Variants in CDK19 observed in about 807,000 individuals in gnomAD.
CDK19 encodes the protein cyclin dependent kinase 19.
CDK19 carries 20 observed loss-of-function variants against 68.3 expected under a neutral mutation model. The ratio of observed to expected loss-of-function variants is 0.29; its 90% confidence interval spans 0.21 to 0.43. CDK19 has a LOEUF of 0.43. CDK19 is among the 20% of genes least tolerant of loss of function. The probability of loss-of-function intolerance (pLI) is 1.00; values close to 1 mark genes in which losing one functional copy is unlikely to be tolerated. For synonymous variants in CDK19, 221 were observed against 222.8 expected, an observed-to-expected ratio of 0.99 and a Z score of 0.07; for missense variants, 339 against 623.5, an observed-to-expected ratio of 0.54 and a Z score of 4.86.
intron 4 of CDK19, among the ~76,000 whole-genome samples, chr6:110,643,712 A>G (rs1780352721): frequency 6.6e-6 from 1 of 152,166 alleles, no homozygotes; most frequent in Admixed American, 6.5e-5. Flanking sequence ...ATGTGACAAG[A>G]GCAGTGAATG....
At chr6:110,629,581 G>A (rs552426858) in intron 6 of CDK19, among the ~76,000 whole-genome samples, 3 of 152,180 alleles carry the variant, frequency 2.0e-5, no homozygotes, top group East Asian at 3.9e-4. Context: ...TCTTAACTCC[G>A]GACCTCAAGT....
rs761748422 is a variant in CDK19 at position 110,643,220 on chromosome 6, A to G, written c.457-4514T>C. The stretch of plus-strand genomic sequence containing the variant: ...TTAGGCCTGACGAGTAAAACAATAC[A>G]TTTTCCAGCTAAAAGACACAGGTAT... On this transcript the variant is annotated intron_variant, in intron 4 of 12. Transcript: ENST00000368911. 7 of 1,285,720 alleles carry G rather than the reference A, an allele frequency of 5.4e-6. No individual in the cohort carries two copies. In the South Asian group the frequency reaches 7.4e-5, roughly 14 times the overall value. The allele number at this position is 1,285,720 out of a possible 1,614,324, so 79.6% of individuals were successfully genotyped here.
At chr6:110,656,163 T>G (rs1243622032) in intron 4 of CDK19, among the ~76,000 whole-genome samples, 3 of 152,248 alleles carry the variant, frequency 2.0e-5, no homozygotes, top group Admixed American at 2.0e-4. Flanking sequence ...TAAACCTTGT[T>G]GCTTTATGAT....
chr6:110,667,639 C>A, intron 3 of CDK19, 65 bp from the exon 4 acceptor site: 1 of 816,422 alleles, frequency 1.2e-6, no homozygotes, highest in South Asian at 2.4e-5. Context: ...AAAACACAAT[C>A]AATGCTGTAA....
rs144900049 is a variant in CDK19, at chr6:110,626,004, T to C, written c.860+772A>G. Among the ~76,000 whole-genome samples, 133 of 152,318 alleles carry C rather than the reference T, an allele frequency of 8.7e-4. 1 individual carries two copies. The highest frequency in any genetic ancestry group is 4.7e-4 in the Non-Finnish European group (32 of 68,020). On this transcript the variant is annotated intron_variant, in intron 8 of 12. Coordinates refer to ENST00000368911, the MANE Select transcript of CDK19 (RefSeq NM_015076.5). ...TAATCTCATTTCTGCTCAAAGTAAA[T>C]GCCTTCATCAGTTTGTTTTACTCAT...
chr6:110,811,545 G>A (rs1462785904), intron 1 of CDK19, among the ~76,000 whole-genome samples: 2 of 152,094 alleles, frequency 1.3e-5, no homozygotes, highest in Non-Finnish European at 2.9e-5. Context: ...ACGGCGCCCG[G>A]CCAACAAAAG....
intron 6 of CDK19, among the ~76,000 whole-genome samples, chr6:110,629,779 C>A (rs1779327643): frequency 6.6e-6 from 1 of 152,176 alleles, no homozygotes; most frequent in Non-Finnish European, 1.5e-5. Flanking sequence ...GGGGATTATT[C>A]TTTCTTTCTG....
chr6:110,634,384 A>G (rs935349259), intron 5 of CDK19, among the ~76,000 whole-genome samples: 2 of 151,964 alleles, frequency 1.3e-5, no homozygotes, highest in Non-Finnish European at 2.9e-5. Flanking sequence ...TGCCTGGCTA[A>G]TTTTTGTATT....
intron 2 of CDK19, among the ~76,000 whole-genome samples, chr6:110,679,145 C>T (rs1326792579): frequency 2.0e-5 from 3 of 151,780 alleles, no homozygotes; most frequent in African/African-American, 4.8e-5. Context: ...CCTATCTCTA[C>T]AAAAAAATAA....
chr6:110,763,229 G>A lies in CDK19; in HGVS notation c.129-17028C>T, dbSNP rs149424750. Among the ~76,000 whole-genome samples the A allele has an allele frequency of 5.4e-3, 817 of 152,244 alleles. 4 individuals are homozygous for A. The highest frequency in any genetic ancestry group is 0.019 in the African/African-American group (775 of 41,544). On this transcript the variant is annotated intron_variant, in intron 1 of 12. Transcript: ENST00000368911. The stretch of plus-strand genomic sequence containing the variant: ...TTTCTCATAAAAGTTAAGGCAAAGT[G>A]AAGGAATGGAGGGAAAGAGAATGGA...
chr6:110,787,990 C>G (rs986644203), intron 1 of CDK19, among the ~76,000 whole-genome samples: 1 of 152,074 alleles, frequency 6.6e-6, no homozygotes, highest in Non-Finnish European at 1.5e-5. Context: ...CAGTCGTGCG[C>G]CACCATACCT....
rs148350563 is a variant in CDK19, at chr6:110,679,015, A to G, written c.205-8474T>C. Among the ~76,000 whole-genome samples the G allele has an allele frequency of 8.5e-4, 130 of 152,300 alleles. 2 individuals carry two copies. In the East Asian group the frequency reaches 0.024, roughly 28 times the overall value. ...AATACCAGCTTGGTTCCTTCATTCA[A>G]AAAGTTAAATAAGCTGGATGTAGTG... On this transcript the variant is annotated intron_variant, in intron 2 of 12. Transcript: ENST00000368911.
chr6:110,773,720 A>G (rs1038073631), intron 1 of CDK19, among the ~76,000 whole-genome samples: 1 of 152,134 alleles, frequency 6.6e-6, no homozygotes, highest in Non-Finnish European at 1.5e-5. Flanking sequence ...ATACAATTGT[A>G]CGGGTATTAT....
chr6:110,733,069 C>CG (rs1776883124), intron 2 of CDK19, among the ~76,000 whole-genome samples: 1 of 152,108 alleles, frequency 6.6e-6, no homozygotes, highest in Non-Finnish European at 1.5e-5. Flanking sequence ...ACAACATTTT[C>CG]ATTACCCTGT....
chr6:110,641,730 AAG>A (rs1254074651), intron 4 of CDK19, among the ~76,000 whole-genome samples: 2 of 151,976 alleles, frequency 1.3e-5, no homozygotes, highest in Admixed American at 6.6e-5. Flanking sequence ...TCAATATAGA[AAG>A]AAAAATTGCA....
intron 1 of CDK19, among the ~76,000 whole-genome samples, chr6:110,746,431 A>G (rs1288107562): frequency 1.3e-5 from 2 of 152,204 alleles, no homozygotes; most frequent in Non-Finnish European, 2.9e-5. Flanking sequence ...ACAAAATTCA[A>G]AATTGAAACA....
At chr6:110,798,158 G>A (rs576764967) in intron 1 of CDK19, among the ~76,000 whole-genome samples, 1 of 152,126 alleles carries the variant, frequency 6.6e-6, no homozygotes, top group Admixed American at 6.5e-5. Context: ...GTGGTAACAA[G>A]AGTTCCATCC....
At position 110,715,499 on chromosome 6, in the gene CDK19, C is replaced by CT. The variant is rs145145454; in HGVS notation, c.204+30626dup. On this transcript the variant is annotated intron_variant, in intron 2 of 12. Transcript: ENST00000368911. ...TGTGTATTCAGTTCTTTGGCAGAAA[C>CT]TTTTTTTTTTGAGACTAGTCGCTCT... Among the ~76,000 whole-genome samples, 2,876 of 150,114 alleles carry CT rather than the reference C, an allele frequency of 0.019. 330 individuals are homozygous for CT. In the East Asian group the frequency reaches 0.35, roughly 18 times the overall value.
At chr6:110,652,371 G>A (rs1383101413) in intron 4 of CDK19, among the ~76,000 whole-genome samples, 1 of 152,138 alleles carries the variant, frequency 6.6e-6, no homozygotes, top group Non-Finnish European at 1.5e-5. Flanking sequence ...CACAGTAAAT[G>A]AGATCCAAAT....
Sources: gnomAD v4.1 joint callset for allele counts (sites outside exome capture counted in the v4.1 genomes callset) on GRCh38, gnomAD v4.1.1 for gene constraint, MANE v1.5 for transcripts, NCBI Gene and HGNC (gene_info 2026-07-23, HGNC 2026-07-21) for gene names.